Variants in ZMYM4 observed in about 807,000 individuals in gnomAD.
The protein encoded by ZMYM4 is zinc finger MYM-type protein 4.
Under a neutral mutation model 183.2 loss-of-function variants are expected in ZMYM4, and 31 were observed. The observed-to-expected ratio is 0.17, with a 90% CI of 0.13 to 0.23. ZMYM4 has a LOEUF of 0.23. Among genes scored for constraint, ZMYM4 ranks in the 10% least tolerant of loss-of-function variants. The pLI, the probability that ZMYM4 is intolerant of heterozygous loss-of-function variation, is 1.00. For synonymous variants in ZMYM4, 592 were observed against 631.2 expected (o/e 0.94, Z 0.93); for missense variants, 1,273 against 1,840.3 (o/e 0.69, Z 5.64).
intron 9 of ZMYM4, among the ~76,000 whole-genome samples, chr1:35,382,751 T>C (rs956559341): frequency 6.6e-6 from 1 of 152,142 alleles, no homozygotes; most frequent in Non-Finnish European, 1.5e-5. Flanking sequence ...GCCCGGCCAG[T>C]ATGGCTTTTT....
chr1:35,355,741 G>A (rs1035114928), intron 2 of ZMYM4, among the ~76,000 whole-genome samples: 33 of 151,784 alleles, frequency 2.2e-4, no homozygotes, highest in African/African-American at 5.1e-4. Context: ...TTGTCTCTGC[G>A]ACTCAAAAAT....
chr1:35,349,154 A>T (rs1418728166), intron 2 of ZMYM4, among the ~76,000 whole-genome samples: 1 of 151,854 alleles, frequency 6.6e-6, no homozygotes, highest in Non-Finnish European at 1.5e-5. Flanking sequence ...CACCTGGCAA[A>T]TTTTTGTATT....
At chr1:35,313,385 TTTTTC>T (rs1158406695) in intron 1 of ZMYM4, among the ~76,000 whole-genome samples, 3 of 66,508 alleles carry the variant, frequency 4.5e-5, no homozygotes, top group African/African-American at 7.2e-5. Flanking sequence ...TTTCTTTTTC[TTTTTC>T]TTTTTTTTTT....
At chr1:35,398,064 T>A (rs1644840508) in intron 20 of ZMYM4, among the ~76,000 whole-genome samples, 1 of 152,130 alleles carries the variant, frequency 6.6e-6, no homozygotes, top group African/African-American at 2.4e-5. Flanking sequence ...CATGACAGCC[T>A]TATGGGGTGG....
chr1:35,393,871 C>T (rs986694001), intron 18 of ZMYM4, 132 bp downstream of exon 18: 18 of 1,025,178 alleles, frequency 1.8e-5, no homozygotes, highest in Non-Finnish European at 2.3e-5. Flanking sequence ...ATTTAGTTCT[C>T]ACAGCATCCC....
intron 1 of ZMYM4, among the ~76,000 whole-genome samples, chr1:35,309,852 C>T (rs1398117132): frequency 1.3e-5 from 2 of 150,814 alleles, no homozygotes; most frequent in South Asian, 2.1e-4. Context: ...AATTCTATAA[C>T]AGAACTATAT....
intron 1 of ZMYM4, among the ~76,000 whole-genome samples, chr1:35,303,176 C>T (rs879063408): frequency 1.3e-5 from 2 of 150,782 alleles, no homozygotes; most frequent in Admixed American, 6.6e-5. Context: ...GTAGTGCCAG[C>T]TACTCTGGAG....
rs145086144 is a variant in ZMYM4, at chr1:35,416,005, G to A, written c.4309+291G>A. Reference sequence around the variant, plus strand: ...CTCAGGAAATTAAAAAATACAAACAGGGTTGAGAATCACTAATTTACTAGC... The same window carrying A: ...CTCAGGAAATTAAAAAATACAAACAAGGTTGAGAATCACTAATTTACTAGC... On this transcript the variant is annotated intron_variant, in intron 28 of 29. Transcript: ENST00000314607. Among the ~76,000 whole-genome samples, 390 of 152,266 alleles carry A rather than the reference G, an allele frequency of 2.6e-3. 2 individuals are homozygous for A. The highest frequency in any genetic ancestry group is 8.3e-3 in the African/African-American group (347 of 41,558).
Position 35,397,418 on chromosome 1 carries a change from A to G in ZMYM4, c.3072A>G (p.Glu1024=). The change falls in exon 20 of 30, where the codon GAA becomes GAG. Residue 1024 remains glutamate (E), a synonymous_variant. Transcript: ENST00000314607. ...PMLIPSSMDS[E]DKVTESIEDI... Reference sequence around the variant, plus strand: ...TTATTCCATCTTCAATGGATAGTGAAGATAAAGTCACAGAGAGTATTGAAG... The same window carrying G: ...TTATTCCATCTTCAATGGATAGTGAGGATAAAGTCACAGAGAGTATTGAAG... The G allele has an allele frequency of 6.2e-7, 1 of 1,612,260 alleles. No homozygotes were observed.
intron 10 of ZMYM4, among the ~76,000 whole-genome samples, 198 bp downstream of exon 10, chr1:35,385,790 G>T (rs977227564): frequency 6.6e-6 from 1 of 152,022 alleles, no homozygotes; most frequent in African/African-American, 2.4e-5. Flanking sequence ...CTTACCAAAA[G>T]AATTTCATAT....
Position 35,390,085 on chromosome 1 carries a change from A to T in ZMYM4, c.2574A>T (p.Ser858=). ...AGCAAAGTGTATGTGACCCGCCTTC[A>T]CAAAATAATGCAGGTAAAATTAACC... ...CNQQSVCDPP[S]QNNAANISMV... Residue 858 remains serine (S), a synonymous_variant, in exon 15 of 30, where the codon TCA becomes TCT. Coordinates refer to ENST00000314607, the MANE Select transcript of ZMYM4 (RefSeq NM_005095.3). 1.2e-6 allele frequency: 2 copies of T among 1,613,478 alleles called. No homozygotes were observed. The highest frequency in any genetic ancestry group is 1.7e-6 in the Non-Finnish European group (2 of 1,179,670).
At chr1:35,370,727 C>CTTTT (rs3066096) in intron 7 of ZMYM4, 100 bp downstream of exon 7, 543 of 283,526 alleles carry the variant, frequency 1.9e-3, no homozygotes, top group Non-Finnish European at 2.1e-3. Flanking sequence ...ACATTTATTC[C>CTTTT]TTTTTTTTTT....
In ZMYM4 at chr1:35,322,751, G is replaced by A. The variant is rs1367667525; in HGVS notation, c.40-2609G>A. Among the ~76,000 whole-genome samples, 12 of 151,940 alleles carry A rather than the reference G, an allele frequency of 7.9e-5. No homozygotes were observed. In the South Asian group the frequency reaches 1.2e-3, roughly 16 times the overall value. ...GTTGCCCAGGCTGGAGTGCAATGGC[G>A]TGATCTCGGCTCACTGTAACCTCCG... On this transcript the variant is annotated intron_variant, in intron 1 of 29. Transcript: ENST00000314607.
chr1:35,268,748 TTC>T lies in ZMYM4; in HGVS notation c.-295_-294del, dbSNP rs774874799. 1.6e-4 allele frequency among the ~76,000 whole-genome samples: 25 copies of T among 152,276 alleles called. No individual in the cohort carries two copies. The highest frequency in any genetic ancestry group is 3.3e-4 in the Admixed American group (5 of 15,302). On this transcript the variant is annotated 5_prime_UTR_variant, in exon 1 of 30. Coordinates refer to ENST00000314607, the MANE Select transcript of ZMYM4 (RefSeq NM_005095.3). ...TTTAAGAAACCGCAGGCGGAGGAATTTCTCTGAGAGAAAATAATCCTACTCAC... is the reference window on the plus strand; with the variant it reads ...TTTAAGAAACCGCAGGCGGAGGAATTTCTGAGAGAAAATAATCCTACTCAC...
At chr1:35,274,835 A>G (rs1324927510) in intron 1 of ZMYM4, among the ~76,000 whole-genome samples, 1 of 152,160 alleles carries the variant, frequency 6.6e-6, no homozygotes. Flanking sequence ...AAATTAGGAA[A>G]TTAAGGCACA....
intron 25 of ZMYM4, among the ~76,000 whole-genome samples, chr1:35,407,217 A>G (rs929763034): frequency 3.9e-5 from 6 of 152,050 alleles, no homozygotes; most frequent in African/African-American, 1.2e-4. Flanking sequence ...GCGGATCACC[A>G]GAGGTTGGGA....
At chr1:35,339,490 C>T (rs146023958) in intron 2 of ZMYM4, among the ~76,000 whole-genome samples, 1,839 of 152,234 alleles carry the variant, frequency 0.012, 44 homozygotes, top group African/African-American at 0.041. Context: ...CTGCCTTGGC[C>T]TCCCAAAGTG....
rs1339876919 is a variant in ZMYM4 at position 35,403,683 on chromosome 1, A to T, written c.3529-1340A>T. ...AATGGTGACATTATAAAATTAGTTAATATTTCTTTTTCTTCTATTTGTATA... is the reference window on the plus strand; with the variant it reads ...AATGGTGACATTATAAAATTAGTTATTATTTCTTTTTCTTCTATTTGTATA... On this transcript the variant is annotated intron_variant, in intron 23 of 29. Coordinates refer to ENST00000314607, the MANE Select transcript of ZMYM4 (RefSeq NM_005095.3). Among the ~76,000 whole-genome samples the T allele has an allele frequency of 2.0e-5, 3 of 152,020 alleles. No homozygotes were observed. In the South Asian group the frequency reaches 6.2e-4, roughly 32 times the overall value.
At chr1:35,384,035 A>G (rs1260402046) in intron 9 of ZMYM4, among the ~76,000 whole-genome samples, 1 of 152,210 alleles carries the variant, frequency 6.6e-6, no homozygotes, top group African/African-American at 2.4e-5. Context: ...TCTTCCTTAT[A>G]TATAATTCAT....
Sources: gnomAD v4.1 joint callset for allele counts (sites outside exome capture counted in the v4.1 genomes callset) on GRCh38, gnomAD v4.1.1 for gene constraint, MANE v1.5 for transcripts, NCBI Gene and HGNC (gene_info 2026-07-23, HGNC 2026-07-21) for gene names.